The following MSH4 variants were observed in gnomAD, a reference collection of about 807,000 sequenced individuals.
MSH4 encodes the protein mutS homolog 4.
A neutral mutation model predicts 113.7 loss-of-function variants in MSH4; 106 were observed. The observed-to-expected ratio is 0.93, with a 90% CI of 0.80 to 1.10. The LOEUF is 1.10. MSH4 is among the 50% of genes least tolerant of loss of function. The probability of loss-of-function intolerance (pLI) is 0.00; values close to 1 mark genes in which losing one functional copy is unlikely to be tolerated. For synonymous variants in MSH4, 368 were observed against 380.2 expected (o/e 0.97, Z 0.37); for missense variants, 1,061 against 1,093.7 (o/e 0.97, Z 0.42).
intron 7 of MSH4, among the ~76,000 whole-genome samples, chr1:75,823,723 A>G (rs982940996): frequency 2.6e-5 from 4 of 152,066 alleles, no homozygotes; most frequent in Admixed American, 2.6e-4. Flanking sequence ...GAAAACATGC[A>G]GTGTTTGGTT....
intron 17 of MSH4, among the ~76,000 whole-genome samples, chr1:75,892,514 A>T (rs1015906449): frequency 7.9e-5 from 12 of 152,012 alleles, no homozygotes; most frequent in Non-Finnish European, 1.3e-4. Context: ...GTAAAATATC[A>T]CTATCGTATA....
At chr1:75,837,328 A>G (rs1650852247) in intron 7 of MSH4, among the ~76,000 whole-genome samples, 1 of 151,844 alleles carries the variant, frequency 6.6e-6, no homozygotes, top group Admixed American at 6.6e-5. Flanking sequence ...TGAATGGAAT[A>G]AGAGCATTTG....
chr1:75,851,793 A>G (rs1325041846), intron 8 of MSH4, among the ~76,000 whole-genome samples: 1 of 152,178 alleles, frequency 6.6e-6, no homozygotes, highest in African/African-American at 2.4e-5. Context: ...CCTCTTCCCT[A>G]CCATTATGCT....
intron 7 of MSH4, among the ~76,000 whole-genome samples, chr1:75,828,418 C>A (rs1248213180): frequency 6.6e-6 from 1 of 152,162 alleles, no homozygotes; most frequent in Non-Finnish European, 1.5e-5. Flanking sequence ...AGGTGCCCAT[C>A]AACAGTGGAC....
Position 75,883,772 on chromosome 1 carries a change from A to G in MSH4, c.2058A>G (p.Lys686=). ...TAACTGGACCAAACATGAGTGGAAA[A>G]TCCACATATTTAAAACAGATTGCTC... ...LIITGPNMSG[K]STYLKQIALC... Residue 686 remains lysine (K), a synonymous_variant, in exon 15 of 20, where the codon AAA becomes AAG. Coordinates refer to ENST00000263187, the MANE Select transcript of MSH4 (RefSeq NM_002440.4). 1 of 1,613,316 alleles carries G rather than the reference A, an allele frequency of 6.2e-7. No individual in the cohort carries two copies. The highest frequency in any genetic ancestry group is 8.5e-7 in the Non-Finnish European group (1 of 1,179,594).
chr1:75,831,651 A>G (rs1650693771), intron 7 of MSH4, among the ~76,000 whole-genome samples: 1 of 152,238 alleles, frequency 6.6e-6, no homozygotes, highest in African/African-American at 2.4e-5. Flanking sequence ...CCGTTAAACT[A>G]CATGGAAACT....
chr1:75,799,995 G>A (rs1649901594), intron 1 of MSH4, among the ~76,000 whole-genome samples: 1 of 152,188 alleles, frequency 6.6e-6, no homozygotes, highest in Admixed American at 6.6e-5. Context: ...AAAGTTACCA[G>A]TATGTTGGGA....
intron 7 of MSH4, among the ~76,000 whole-genome samples, chr1:75,822,853 C>T (rs1200431255): frequency 6.6e-6 from 1 of 151,346 alleles, no homozygotes; most frequent in Non-Finnish European, 1.5e-5. Context: ...TTCATAGATA[C>T]TTTACATTCT....
rs61020580 is a variant in MSH4, at chr1:75,873,748, T to TTA, written c.1306-3173_1306-3172dup. Reference sequence around the variant, plus strand: ...CCCTGCAAAAGACATGATCTTGTTTTTATATATATATATATAACTGCATAG... The same window carrying TTA: ...CCCTGCAAAAGACATGATCTTGTTTTTATATATATATATATATAACTGCATAG... On this transcript the variant is annotated intron_variant, in intron 9 of 19. Transcript: ENST00000263187. 4.0e-3 allele frequency among the ~76,000 whole-genome samples: 597 copies of TTA among 150,378 alleles called. 2 individuals carry two copies. Among genetic ancestry groups the TTA allele is most frequent in the Admixed American group, 7.0e-3 (106 of 15,056 alleles).
rs1223312034 is a variant in MSH4, at chr1:75,867,971, T to A, written c.1305+383T>A. Among the ~76,000 whole-genome samples the A allele has an allele frequency of 2.0e-5, 3 of 152,108 alleles. No homozygotes were observed. The East Asian group carries it at 5.8e-4, about 29-fold the overall frequency. ...GTTCTAATAATGTTCTTTATAGCAT[T>A]TTTTTCCTGATATAGGGTCCAATCC... On this transcript the variant is annotated intron_variant, in intron 9 of 19. Coordinates refer to ENST00000263187, the MANE Select transcript of MSH4 (RefSeq NM_002440.4).
At chr1:75,812,511 G>C (rs1570943088) in intron 4 of MSH4, among the ~76,000 whole-genome samples, 1 of 152,256 alleles carries the variant, frequency 6.6e-6, no homozygotes, top group African/African-American at 2.4e-5. Flanking sequence ...GGCTAACATG[G>C]TGAAACCCCA....
At chr1:75,891,979 C>T (rs1652266543) in intron 17 of MSH4, among the ~76,000 whole-genome samples, 1 of 152,156 alleles carries the variant, frequency 6.6e-6, no homozygotes, top group South Asian at 2.1e-4. Context: ...AGTGCCCAGA[C>T]ATTTGGTCAA....
chr1:75,816,789 G>T (rs1650303843), intron 6 of MSH4, among the ~76,000 whole-genome samples: 1 of 152,078 alleles, frequency 6.6e-6, no homozygotes, highest in African/African-American at 2.4e-5. Flanking sequence ...ACCATGCCTA[G>T]CTAATTTTTC....
At chr1:75,799,008 A>C (rs1302411978) in intron 1 of MSH4, among the ~76,000 whole-genome samples, 1 of 152,242 alleles carries the variant, frequency 6.6e-6, no homozygotes, top group Non-Finnish European at 1.5e-5. Flanking sequence ...GGATAGCCAA[A>C]GCAATTGGGA....
intron 1 of MSH4, among the ~76,000 whole-genome samples, chr1:75,797,769 TC>T (rs1262751203): frequency 1.3e-5 from 2 of 152,080 alleles, no homozygotes; most frequent in Admixed American, 1.3e-4. Flanking sequence ...CCCACCCCCA[TC>T]CCCTATCTCT....
rs146829062 is a variant in MSH4, at chr1:75,854,620, C to T, written c.1230+6344C>T. 2.9e-4 allele frequency among the ~76,000 whole-genome samples: 44 copies of T among 152,290 alleles called. 1 individual carries two copies. Among genetic ancestry groups the T allele is most frequent in the African/African-American group, 9.4e-4 (39 of 41,568 alleles). On this transcript the variant is annotated intron_variant, in intron 8 of 19. Transcript: ENST00000263187. The stretch of plus-strand genomic sequence containing the variant: ...TCTGGCTTTGCCACCCCCACACCAA[C>T]GATGCTCTCTTCTTCCTATTTGGGC...
intron 19 of MSH4, among the ~76,000 whole-genome samples, chr1:75,901,848 T>C (rs1005676480): frequency 7.2e-5 from 11 of 152,174 alleles, no homozygotes; most frequent in African/African-American, 2.4e-4. Flanking sequence ...ATAAAAGCTA[T>C]CTTAACTAGG....
intron 19 of MSH4, among the ~76,000 whole-genome samples, chr1:75,909,107 G>A (rs775377596): frequency 9.2e-5 from 14 of 152,234 alleles, no homozygotes; most frequent in East Asian, 1.9e-4. Context: ...CACTAGTGGT[G>A]CTTCCTGTGG....
chr1:75,871,879 G>C (rs1009288095), intron 9 of MSH4, among the ~76,000 whole-genome samples: 2 of 152,172 alleles, frequency 1.3e-5, no homozygotes, highest in Admixed American at 6.5e-5. Context: ...GCTTTCCATA[G>C]ACTGGAATAT....
Sources: allele counts gnomAD v4.1 joint callset (sites outside exome capture counted in the v4.1 genomes callset), GRCh38; gene constraint gnomAD v4.1.1; transcripts MANE v1.5; gene names NCBI Gene and HGNC (gene_info 2026-07-23, HGNC 2026-07-21).